Variants in GON4L observed in about 807,000 individuals in gnomAD.
GON4L encodes the protein gon-4 like.
Under a neutral mutation model 211.8 loss-of-function variants are expected in GON4L, and 87 were observed. That is an observed-to-expected ratio of 0.41 (90% CI 0.35 to 0.49). The LOEUF is 0.49. GON4L is among the 20% of genes least tolerant of loss of function. The probability of loss-of-function intolerance (pLI) is 0.15; values close to 1 mark genes in which losing one functional copy is unlikely to be tolerated. For synonymous variants in GON4L, 875 were observed against 962.6 expected (o/e 0.91, Z 1.68); for missense variants, 2,155 against 2,659.5 (o/e 0.81, Z 4.17).
At chr1:155,795,184 A>T in intron 11 of GON4L, 33 bp from the exon 12 acceptor site, 1 of 1,110,608 alleles carries the variant, frequency 9.0e-7, no homozygotes, top group Middle Eastern at 2.0e-4. Flanking sequence ...ATGCTCATTA[A>T]CTCTGTTCTC....
At chr1:155,820,554 T>C (rs1457817680) in intron 6 of GON4L, 52 bp downstream of exon 6, 9 of 1,213,166 alleles carry the variant, frequency 7.4e-6, no homozygotes, top group Middle Eastern at 1.9e-4. Context: ...GTGAATTAGA[T>C]CCTATTCACC....
chr1:155,748,137 G>C (rs1251140598), downstream of GON4L: 10 of 1,588,164 alleles, frequency 6.3e-6, no homozygotes, highest in South Asian at 7.9e-5. Flanking sequence ...TGTAAGTCTC[G>C]GTGCTCTTGT....
At position 155,752,479 on chromosome 1, in the gene GON4L, G is replaced by A. The variant is rs563902533; in HGVS notation, c.5954C>T (p.Pro1985Leu). 137 of 1,577,598 alleles carry A rather than the reference G, an allele frequency of 8.7e-5. No individual in the cohort carries two copies. In the African/African-American group the frequency reaches 1.7e-3, roughly 19 times the overall value. Reference sequence around the variant, plus strand: ...AGTGTACAGTACAGCTCCAGTTGTGGGGGGAAATTGAGGAGTCTCTGGTGA... The same window carrying A: ...AGTGTACAGTACAGCTCCAGTTGTGAGGGGAAATTGAGGAGTCTCTGGTGA... Reference protein sequence around the residue: ...PHSPETPQFPPTTGAVLYTVK... With the variant: ...PHSPETPQFPLTTGAVLYTVK... Residue 1985 changes from proline (P) to leucine (L), a missense_variant, in exon 30 of 32, where the codon CCC (proline) becomes CTC (leucine). Pro to Leu is a moderately conservative substitution (Grantham distance 98, BLOSUM62 -3). Around this residue, in one of 6 missense-constraint regions of GON4L, gnomAD observed 455 missense variants for 504.6 expected, o/e 0.90. Transcript: ENST00000368331.
chr1:155,747,055 A>C, downstream of GON4L: 1 of 1,606,518 alleles, frequency 6.2e-7, no homozygotes, highest in South Asian at 1.1e-5. Context: ...TGGCCAGCCA[A>C]CTCAAGGAGG....
At chr1:155,795,453 G>C (rs1261677169) in intron 11 of GON4L, among the ~76,000 whole-genome samples, 1 of 152,132 alleles carries the variant, frequency 6.6e-6, no homozygotes. Flanking sequence ...GTACAGTGAA[G>C]CTGACAGTGA....
intron 21 of GON4L, among the ~76,000 whole-genome samples, chr1:155,763,857 G>C (rs1231969190): frequency 1.3e-5 from 2 of 152,022 alleles, no homozygotes; most frequent in Non-Finnish European, 2.9e-5. Context: ...ACAGAAATTA[G>C]TCAGGCATGG....
At chr1:155,809,994 A>ATGAAT (rs1667578228) in intron 10 of GON4L, among the ~76,000 whole-genome samples, 1 of 7,352 alleles carries the variant, frequency 1.4e-4, no homozygotes, top group Non-Finnish European at 6.0e-4. Flanking sequence ...ATATATAATT[A>ATGAAT]TATATATATA....
intron 10 of GON4L, among the ~76,000 whole-genome samples, chr1:155,806,216 G>A (rs573430599): frequency 2.0e-5 from 3 of 147,002 alleles, no homozygotes; most frequent in Admixed American, 6.8e-5. Context: ...GCAGTGGTAC[G>A]ATCTCGGATC....
chr1:155,796,518 T>C (rs1666085306), intron 11 of GON4L, among the ~76,000 whole-genome samples: 1 of 152,108 alleles, frequency 6.6e-6, no homozygotes, highest in Non-Finnish European at 1.5e-5. Context: ...CCTCAGGTGA[T>C]CCGCCTGCAT....
At chr1:155,814,088 G>A (rs1164265069) in intron 9 of GON4L, among the ~76,000 whole-genome samples, 1 of 152,164 alleles carries the variant, frequency 6.6e-6, no homozygotes, top group Non-Finnish European at 1.5e-5. Flanking sequence ...AGATATGAAA[G>A]AAGAGAAGGG....
intron 15 of GON4L, among the ~76,000 whole-genome samples, chr1:155,776,712 G>A (rs948259044): frequency 6.6e-6 from 1 of 151,866 alleles, no homozygotes; most frequent in Non-Finnish European, 1.5e-5. Context: ...CACCATGCCT[G>A]GCTAATTTAT....
intron 11 of GON4L, among the ~76,000 whole-genome samples, chr1:155,801,866 G>A (rs1412914831): frequency 6.6e-6 from 1 of 152,024 alleles, no homozygotes; most frequent in African/African-American, 2.4e-5. Flanking sequence ...CTGGGCGACA[G>A]AGCGAGACTC....
At chr1:155,768,405 T>C (rs568094535) in intron 19 of GON4L, among the ~76,000 whole-genome samples, 3 of 150,336 alleles carry the variant, frequency 2.0e-5, no homozygotes, top group Admixed American at 6.7e-5. Flanking sequence ...GGTCAGGAGA[T>C]TGAGACCATC....
Position 155,766,283 on chromosome 1 carries a change from C to T in GON4L, c.3190G>A (p.Glu1064Lys), listed in dbSNP as rs2101745594. The part of the protein sequence containing the change: ...GVPPLGVSGG[E>K]SFESPAALPA... ...AGTGCTGCAGGAGACTCAAAACTCTCACCTCCACTGACCCCCAGTGGAGGG... is the reference window on the plus strand; with the variant it reads ...AGTGCTGCAGGAGACTCAAAACTCTTACCTCCACTGACCCCCAGTGGAGGG... The change falls in exon 21 of 32, where the codon GAG becomes AAG. Residue 1064 changes from glutamate to lysine, a missense_variant. This residue lies in a region of GON4L where 615 missense variants were observed against 625.7 expected (regional missense o/e 0.98). Transcript: ENST00000368331. The T allele has an allele frequency of 6.2e-7, 1 of 1,614,162 alleles. No homozygotes were observed.
At chr1:155,811,285 G>A (rs1390454883) in intron 10 of GON4L, among the ~76,000 whole-genome samples, 6 of 149,508 alleles carry the variant, frequency 4.0e-5, no homozygotes, top group African/African-American at 1.2e-4. Flanking sequence ...CCAGCTACTC[G>A]GGAGGCTGAG....
chr1:155,853,113 G>GA (rs371559016), intron 2 of GON4L, among the ~76,000 whole-genome samples, 163 bp downstream of exon 2: 24 of 145,568 alleles, frequency 1.6e-4, no homozygotes, highest in South Asian at 2.1e-4. Flanking sequence ...TCCGTCTCAA[G>GA]AAAAAAAAAA....
chr1:155,756,785 C>T (rs1661234545), intron 27 of GON4L, 173 bp downstream of exon 27: 7 of 577,924 alleles, frequency 1.2e-5, no homozygotes, highest in East Asian at 3.0e-5. Flanking sequence ...ATTTGCTGGG[C>T]GTGGTGGCTG....
At chr1:155,745,409 G>C (rs932370835), downstream of GON4L, among the ~76,000 whole-genome samples, 1 of 152,262 alleles carries the variant, frequency 6.6e-6, no homozygotes, top group East Asian at 1.9e-4. Context: ...GGAGGCTTTA[G>C]CGGAGCTTCC....
chr1:155,811,319 G>T (rs537311876), intron 10 of GON4L, among the ~76,000 whole-genome samples: 1 of 141,232 alleles, frequency 7.1e-6, no homozygotes, highest in South Asian at 2.3e-4. Flanking sequence ...GTGAACCTGG[G>T]AGGCGGAGCT....
Sources: gnomAD v4.1 joint callset for allele counts (sites outside exome capture counted in the v4.1 genomes callset) on GRCh38, gnomAD v4.1.1 for gene constraint, gnomAD v4.1.1 regional missense constraint, MANE v1.5 for transcripts, NCBI Gene and HGNC (gene_info 2026-07-23, HGNC 2026-07-21) for gene names.